Variants in CTNNA3 observed in about 807,000 individuals in gnomAD.
CTNNA3 encodes the protein catenin alpha-3.
A neutral mutation model predicts 95.7 loss-of-function variants in CTNNA3; 76 were observed. That is an observed-to-expected ratio of 0.79 (90% CI 0.66 to 0.96). CTNNA3 has a LOEUF of 0.96. CTNNA3 is among the 40% of genes least tolerant of loss of function. CTNNA3 has a pLI of 0.00. For missense variants in CTNNA3, 1,191 were observed against 1,089.8 expected (o/e 1.09, Z -1.31); for synonymous variants, 431 against 374.4 (o/e 1.15, Z -1.74).
chr10:66,707,914 T>C (rs1463966167), intron 9 of CTNNA3, among the ~76,000 whole-genome samples: 4 of 152,154 alleles, frequency 2.6e-5, no homozygotes, highest in African/African-American at 4.8e-5. Context: ...AAATGTATTA[T>C]AGATTTACTT....
chr10:66,500,402 T>C (rs912347638), intron 11 of CTNNA3, among the ~76,000 whole-genome samples: 2 of 152,160 alleles, frequency 1.3e-5, no homozygotes, highest in East Asian at 1.9e-4. Context: ...AATTATTCCA[T>C]GGTAGTTTTA....
In CTNNA3 at chr10:66,760,653, A is replaced by T. The variant is rs115563858; in HGVS notation, c.1281+5611T>A. Among the ~76,000 whole-genome samples, 1,458 of 152,288 alleles carry T rather than the reference A, an allele frequency of 9.6e-3. 24 individuals are homozygous for T. Among genetic ancestry groups the T allele is most frequent in the African/African-American group, 0.033 (1,380 of 41,556 alleles). ...GCTCTTACTTTTCTATAAATGAATC[A>T]TTACCCTTTTCTTATATTCCAAAGA... On this transcript the variant is annotated intron_variant, in intron 9 of 17. Transcript: ENST00000433211.
At chr10:66,513,062 T>C (rs1280823741) in intron 11 of CTNNA3, among the ~76,000 whole-genome samples, 1 of 152,204 alleles carries the variant, frequency 6.6e-6, no homozygotes, top group African/African-American at 2.4e-5. Context: ...AGTTGGAAAC[T>C]TTTCAGCTAT....
intron 12 of CTNNA3, among the ~76,000 whole-genome samples, chr10:66,331,503 A>G (rs7086405): frequency 0.91 from 136,882 of 150,938 alleles, 62,310 homozygotes; most frequent in East Asian, 1. Flanking sequence ...ACAGGCGCGC[A>G]CCACCATGCC....
intron 13 of CTNNA3, among the ~76,000 whole-genome samples, chr10:66,154,554 C>A (rs2084376483): frequency 6.6e-6 from 1 of 151,080 alleles, no homozygotes; most frequent in Admixed American, 6.7e-5. Context: ...TTGCAAGCTA[C>A]TGTTAATGGC....
At chr10:67,673,546 A>G (rs1423780474) in intron 1 of CTNNA3, among the ~76,000 whole-genome samples, 2 of 149,010 alleles carry the variant, frequency 1.3e-5, no homozygotes, top group African/African-American at 2.5e-5. Flanking sequence ...TCAATACCTA[A>G]TTTATTGAGA....
chr10:66,624,152 G>A (rs1201983461), intron 9 of CTNNA3, among the ~76,000 whole-genome samples: 1 of 152,142 alleles, frequency 6.6e-6, no homozygotes, highest in Non-Finnish European at 1.5e-5. Context: ...AGGATATCGG[G>A]AGTTTTTGGA....
At chr10:66,725,005 A>G (rs1165166357) in intron 9 of CTNNA3, among the ~76,000 whole-genome samples, 2 of 152,138 alleles carry the variant, frequency 1.3e-5, no homozygotes, top group African/African-American at 4.8e-5. Flanking sequence ...ATGATGTAGT[A>G]TATGCACAAA....
chr10:65,926,825 T>C (rs572979541), intron 17 of CTNNA3, among the ~76,000 whole-genome samples: 1 of 152,280 alleles, frequency 6.6e-6, no homozygotes, highest in African/African-American at 2.4e-5. Flanking sequence ...TAGGCATTTT[T>C]GCAAGTATGT....
chr10:66,938,855 C>T (rs1196608964), intron 7 of CTNNA3, among the ~76,000 whole-genome samples: 8 of 152,232 alleles, frequency 5.3e-5, no homozygotes, highest in Non-Finnish European at 8.8e-5. Flanking sequence ...AGTCTAGCTG[C>T]GAATACACCT....
At chr10:67,232,364 C>G (rs1793890004) in intron 5 of CTNNA3, among the ~76,000 whole-genome samples, 1 of 151,844 alleles carries the variant, frequency 6.6e-6, no homozygotes, top group Admixed American at 6.6e-5. Context: ...ATTCAACATT[C>G]TTAAAGAAAA....
chr10:66,442,834 T>C (rs2093385241), intron 11 of CTNNA3, among the ~76,000 whole-genome samples: 1 of 152,152 alleles, frequency 6.6e-6, no homozygotes, highest in Admixed American at 6.5e-5. Context: ...CAGTGCACCA[T>C]GCACGAGCCA....
chr10:67,692,851 C>T (rs1316659311), intron 1 of CTNNA3, among the ~76,000 whole-genome samples: 1 of 151,282 alleles, frequency 6.6e-6, no homozygotes, highest in African/African-American at 2.4e-5. Context: ...TTGGGAACTT[C>T]TAATTACATT....
At chr10:67,156,391 A>C (rs2394358) in intron 7 of CTNNA3, among the ~76,000 whole-genome samples, 97,747 of 151,712 alleles carry the variant, frequency 0.64, 32,505 homozygotes, top group African/African-American at 0.82. Context: ...TACTTAAAAT[A>C]TTTCTTCTTT....
chr10:67,514,495 G>C (rs1284820585), intron 5 of CTNNA3, among the ~76,000 whole-genome samples: 1 of 151,882 alleles, frequency 6.6e-6, no homozygotes, highest in Admixed American at 6.6e-5. Context: ...GACTAAAGAA[G>C]ACATTTTCAG....
chr10:67,305,364 T>TA (rs58055640), intron 5 of CTNNA3, among the ~76,000 whole-genome samples: 43,209 of 115,754 alleles, frequency 0.37, 7,288 homozygotes, highest in Middle Eastern at 0.57. Context: ...TAGAGTATAA[T>TA]AAAAAAAAAA....
At chr10:65,930,846 T>C (rs573180847) in intron 17 of CTNNA3, among the ~76,000 whole-genome samples, 1 of 152,330 alleles carries the variant, frequency 6.6e-6, no homozygotes, top group African/African-American at 2.4e-5. Flanking sequence ...CCTATTCATC[T>C]CTATACAAAT....
chr10:67,754,851 A>G (rs1231653604), intron 1 of CTNNA3, among the ~76,000 whole-genome samples: 1 of 152,192 alleles, frequency 6.6e-6, no homozygotes, highest in African/African-American at 2.4e-5. Flanking sequence ...GAAAAAAATG[A>G]CAATAATCTG....
At chr10:66,480,973 T>A (rs932117610) in intron 11 of CTNNA3, among the ~76,000 whole-genome samples, 8 of 152,192 alleles carry the variant, frequency 5.3e-5, no homozygotes, top group Non-Finnish European at 1.0e-4. Flanking sequence ...AATTTCATAC[T>A]AATTCATGAA....
Sources: allele counts gnomAD v4.1 joint callset (sites outside exome capture counted in the v4.1 genomes callset), GRCh38; gene constraint gnomAD v4.1.1; transcripts MANE v1.5; gene names NCBI Gene and HGNC (gene_info 2026-07-23, HGNC 2026-07-21).